ASTN2: variants seen among roughly 807,000 people sequenced by gnomAD.
The protein encoded by ASTN2 is astrotactin-2.
Under a neutral mutation model 139.8 loss-of-function variants are expected in ASTN2, and 54 were observed. The observed-to-expected ratio is 0.39, with a 90% confidence interval of 0.31 to 0.48. The LOEUF (loss-of-function observed/expected upper bound fraction) is 0.48. Among genes scored for constraint, ASTN2 ranks in the 20% least tolerant of loss-of-function variants. The pLI is 0.95. For synonymous variants in ASTN2, 756 were observed against 719.5 expected, an observed-to-expected ratio of 1.05 and a Z score of -0.81; for missense variants, 1,565 against 1,725.1, an observed-to-expected ratio of 0.91 and a Z score of 1.64.
intron 5 of ASTN2, among the ~76,000 whole-genome samples, chr9:117,059,407 T>A (rs916403041): frequency 2.6e-5 from 4 of 150,972 alleles, no homozygotes; most frequent in African/African-American, 9.8e-5. Flanking sequence ...AGGTCAGGAG[T>A]TCGAGAGCAG....
intron 10 of ASTN2, among the ~76,000 whole-genome samples, chr9:116,904,187 A>T (rs1471385403): frequency 6.6e-6 from 1 of 152,168 alleles, no homozygotes; most frequent in Non-Finnish European, 1.5e-5. Flanking sequence ...TCTAAGGCCT[A>T]CCACAGGGCC....
chr9:116,904,644 A>G (rs2132410004), intron 10 of ASTN2, among the ~76,000 whole-genome samples: 1 of 152,340 alleles, frequency 6.6e-6, no homozygotes, highest in South Asian at 2.1e-4. Context: ...AACCACTAAG[A>G]ATGGCACTTG....
chr9:117,198,188 C>T (rs947443946), intron 3 of ASTN2, among the ~76,000 whole-genome samples: 1 of 151,924 alleles, frequency 6.6e-6, no homozygotes, highest in Non-Finnish European at 1.5e-5. Flanking sequence ...TCACCCCCAA[C>T]CCTCCAACAG....
intron 10 of ASTN2, among the ~76,000 whole-genome samples, chr9:116,887,869 T>C (rs531757425): frequency 4.1e-4 from 63 of 152,156 alleles, no homozygotes; most frequent in African/African-American, 1.5e-3. Flanking sequence ...GGTTTCACCA[T>C]GTTGCCCAGG....
intron 13 of ASTN2, among the ~76,000 whole-genome samples, chr9:116,753,385 G>A (rs1417947006): frequency 6.6e-6 from 1 of 152,160 alleles, no homozygotes; most frequent in East Asian, 1.9e-4. Context: ...GAGCACAGGG[G>A]ATTTTTAGGG....
At chr9:117,147,284 G>A (rs140258371) in intron 3 of ASTN2, among the ~76,000 whole-genome samples, 78 of 152,204 alleles carry the variant, frequency 5.1e-4, no homozygotes, top group Non-Finnish European at 1.1e-3. Context: ...TATTTAAAAT[G>A]CAAAAATTAG....
chr9:117,042,481 T>C (rs1838607845), intron 5 of ASTN2, among the ~76,000 whole-genome samples: 1 of 152,158 alleles, frequency 6.6e-6, no homozygotes, highest in African/African-American at 2.4e-5. Flanking sequence ...TTAGAATAAA[T>C]GTTAAATAGA....
At chr9:116,603,401 T>A (rs1855014168) in intron 19 of ASTN2, among the ~76,000 whole-genome samples, 1 of 152,174 alleles carries the variant, frequency 6.6e-6, no homozygotes. Context: ...GGACAAAGTC[T>A]ACAGTGTGGC....
chr9:117,263,265 A>G (rs1369417923), intron 2 of ASTN2, among the ~76,000 whole-genome samples: 1 of 152,156 alleles, frequency 6.6e-6, no homozygotes, highest in African/African-American at 2.4e-5. Flanking sequence ...CAAAAATGAA[A>G]CCTACCCAGA....
chr9:116,686,795 A>T, intron 16 of ASTN2: 1 of 1,550,652 alleles, frequency 6.4e-7, no homozygotes, highest in Non-Finnish European at 8.7e-7. Context: ...TTTACAGAGC[A>T]ATGTGTTCAT....
chr9:116,560,218 C>A (rs1852835303), intron 19 of ASTN2, among the ~76,000 whole-genome samples: 1 of 152,188 alleles, frequency 6.6e-6, no homozygotes, highest in South Asian at 2.1e-4. Context: ...GCAATTCATT[C>A]TCCACATAAC....
intron 10 of ASTN2, among the ~76,000 whole-genome samples, chr9:116,901,244 G>C (rs1307580832): frequency 6.6e-6 from 1 of 152,178 alleles, no homozygotes; most frequent in African/African-American, 2.4e-5. Flanking sequence ...ATTTTGGAAG[G>C]CTGGGTGCAG....
At chr9:117,413,257 G>C (rs1466617978) in intron 1 of ASTN2, among the ~76,000 whole-genome samples, 1 of 152,240 alleles carries the variant, frequency 6.6e-6, no homozygotes, top group African/African-American at 2.4e-5. Flanking sequence ...TTATTCTGTG[G>C]GTCTTTTCAG....
intron 3 of ASTN2, among the ~76,000 whole-genome samples, chr9:117,212,210 T>G (rs1328440334): frequency 6.6e-6 from 1 of 152,142 alleles, no homozygotes; most frequent in Admixed American, 6.5e-5. Flanking sequence ...AATATGCATA[T>G]GCAGAAGAAT....
chr9:117,098,501 T>C (rs1056887100), intron 4 of ASTN2, among the ~76,000 whole-genome samples: 2 of 152,100 alleles, frequency 1.3e-5, no homozygotes, highest in Non-Finnish European at 2.9e-5. Context: ...GTACAAAGGA[T>C]GACAACATTT....
At chr9:117,082,958 T>C (rs1828467661) in intron 5 of ASTN2, among the ~76,000 whole-genome samples, 1 of 152,252 alleles carries the variant, frequency 6.6e-6, no homozygotes, top group Non-Finnish European at 1.5e-5. Context: ...TATTGGCTTC[T>C]TAAAGGTATA....
At chr9:116,822,651 C>T (rs1831522613) in intron 11 of ASTN2, among the ~76,000 whole-genome samples, 1 of 152,156 alleles carries the variant, frequency 6.6e-6, no homozygotes. Flanking sequence ...GATTCTCTAC[C>T]ACACTTGTTT....
At chr9:116,462,343 G>C (rs1848512784) in intron 20 of ASTN2, among the ~76,000 whole-genome samples, 2 of 152,168 alleles carry the variant, frequency 1.3e-5, no homozygotes, top group Non-Finnish European at 2.9e-5. Context: ...AGTATGTCCT[G>C]GCTAGGATAT....
At chr9:117,211,089 C>G (rs1051814462) in intron 3 of ASTN2, among the ~76,000 whole-genome samples, 1 of 151,382 alleles carries the variant, frequency 6.6e-6, no homozygotes, top group African/African-American at 2.4e-5. Context: ...CCATATATGA[C>G]AAATCCACAG....
Sources: gnomAD v4.1 joint callset for allele counts (sites outside exome capture counted in the v4.1 genomes callset) on GRCh38, gnomAD v4.1.1 for gene constraint, MANE v1.5 for transcripts, NCBI Gene and HGNC (gene_info 2026-07-23, HGNC 2026-07-21) for gene names.